Variants in SLC8B1 observed in about 807,000 individuals in gnomAD.
The protein encoded by SLC8B1 is mitochondrial sodium/calcium exchanger protein.
Under a neutral mutation model 63.4 loss-of-function variants are expected in SLC8B1, and 52 were observed. That is an observed-to-expected ratio of 0.82 (90% CI 0.66 to 1.03). The LOEUF (loss-of-function observed/expected upper bound fraction) is 1.03, where lower values mean the gene tolerates loss of function less well. SLC8B1 is among the 50% of genes least tolerant of loss of function. SLC8B1 has a pLI of 0.00. For missense variants in SLC8B1, 657 were observed against 741.7 expected (o/e 0.89, Z 1.33); for synonymous variants, 336 against 323.9 (o/e 1.04, Z -0.40).
chr12:113,321,331 G>T lies in SLC8B1; in HGVS notation c.174C>A (p.Gly58=), dbSNP rs1399832991. 1.2e-6 allele frequency: 2 copies of T among 1,614,112 alleles called. No homozygotes were observed. ...AGTCACAGCGGTCAGAGACATTCAG[G>T]CCACACACCTTGCGGCACTGCAGGA... is the stretch of plus-strand genomic sequence containing the variant. ...TPVVDCRKVC[G]LNVSDRCDFI... is the part of the protein sequence containing the mutation. Residue 58 remains glycine (G), a synonymous_variant, in exon 3 of 16, where the codon GGC becomes GGA. Transcript: ENST00000680972.
Position 113,307,798 on chromosome 12 carries a change from G to T in SLC8B1, c.1304C>A (p.Ala435Glu). 1.2e-6 allele frequency: 2 copies of T among 1,613,592 alleles called. No individual in the cohort carries two copies. Among genetic ancestry groups the T allele is most frequent in the Non-Finnish European group, 1.7e-6 (2 of 1,180,028 alleles). Residue 435 changes from alanine (A) to glutamate (E), a missense_variant, in exon 13 of 16, where the codon GCG (alanine) becomes GAG (glutamate). Ala to Glu is a moderately radical substitution (Grantham distance 107). Coordinates refer to ENST00000680972, the MANE Select transcript of SLC8B1 (RefSeq NM_001358345.2). ...GATGTTCACCACCTCTGTGGCGGCC[G>T]CGTTGATCCACAGGGCGCTGGTCAG... The part of the protein sequence containing the change: ...GFLTSALWIN[A>E]AATEVVNILR...
intron 15 of SLC8B1, among the ~76,000 whole-genome samples, chr12:113,303,715 C>T (rs770716133): frequency 2.0e-5 from 3 of 152,166 alleles, no homozygotes; most frequent in Non-Finnish European, 4.4e-5. Flanking sequence ...CCACATGCTA[C>T]CTACCCAAAT....
chr12:113,302,751 C>T, intron 15 of SLC8B1: 1 of 456,126 alleles, frequency 2.2e-6, no homozygotes, highest in South Asian at 1.5e-5. Context: ...GAGCCCAAAT[C>T]CAAGTGCAAG....
chr12:113,334,087 G>A (rs1336940513), intron 1 of SLC8B1, among the ~76,000 whole-genome samples: 1 of 152,148 alleles, frequency 6.6e-6, no homozygotes, highest in Admixed American at 6.6e-5. Flanking sequence ...GGAACTTAAG[G>A]GCAAGAAGGA....
At chr12:113,309,048 T>G (rs1956718816) in intron 12 of SLC8B1, among the ~76,000 whole-genome samples, 1 of 150,914 alleles carries the variant, frequency 6.6e-6, no homozygotes, top group South Asian at 2.1e-4. Flanking sequence ...AGAGACAGGG[T>G]TTCGACATGT....
rs1956655097 is a variant in SLC8B1, at chr12:113,305,224, G to A, written c.1493-839C>T. The stretch of plus-strand genomic sequence containing the variant: ...CCCTCCTTCCCAGCCAACCTGGGAG[G>A]TCAGGCGAGGCTGCAGCCCGAAAGC... On this transcript the variant is annotated intron_variant, in intron 14 of 15. Transcript: ENST00000680972. This position sits in a 1 kb window ranked among gnomAD's most constrained non-coding sequence, Gnocchi z 4.3. Among the ~76,000 whole-genome samples, 1 of 152,252 alleles carries A rather than the reference G, an allele frequency of 6.6e-6. No individual in the cohort carries two copies. Among genetic ancestry groups the A allele is most frequent in the South Asian group, 2.1e-4 (1 of 4,834 alleles).
At chr12:113,303,114 G>GACACACACACACACAC (rs57763094) in intron 15 of SLC8B1, among the ~76,000 whole-genome samples, 10 of 140,950 alleles carry the variant, frequency 7.1e-5, no homozygotes, top group South Asian at 4.6e-4. Flanking sequence ...AAAGGCGGTG[G>GACACACACACACACAC]ACACACACAC....
At chr12:113,302,454 T>C in intron 15 of SLC8B1, 1 of 290,912 alleles carries the variant, frequency 3.4e-6, no homozygotes, top group East Asian at 9.5e-5. Context: ...GTCAGCCCCC[T>C]GGTTTGTGGT....
intron 2 of SLC8B1, among the ~76,000 whole-genome samples, chr12:113,323,702 C>T (rs1173215259): frequency 1.3e-5 from 2 of 151,462 alleles, no homozygotes; most frequent in Non-Finnish European, 2.9e-5. Flanking sequence ...AAGTGAGACT[C>T]CATCTCAAAA....
Position 113,303,141 on chromosome 12 carries a change from A to ACACACACACACGCG in SLC8B1, c.1557+1179_1557+1180insCGCGTGTGTGTGTG, listed in dbSNP as rs773636454. ...CACACACACACACACACACACACAC[A>ACACACACACACGCG]CGCGCGCGCACAGGAGAAAAGAGGA... is the stretch of plus-strand genomic sequence containing the variant. On this transcript the variant is annotated intron_variant, in intron 15 of 15. Transcript: ENST00000680972. Among the ~76,000 whole-genome samples, 269 of 145,720 alleles carry ACACACACACACGCG rather than the reference A, an allele frequency of 1.8e-3. 1 individual carries two copies. The highest frequency in any genetic ancestry group is 4.9e-3 in the African/African-American group (185 of 38,130).
chr12:113,304,681 C>T (rs573588443), intron 14 of SLC8B1, among the ~76,000 whole-genome samples: 1 of 152,276 alleles, frequency 6.6e-6, no homozygotes, highest in Non-Finnish European at 1.5e-5. Flanking sequence ...CGGCTCACTG[C>T]AGCCTCGACC....
chr12:113,323,027 C>G (rs1956952645), intron 2 of SLC8B1, among the ~76,000 whole-genome samples: 1 of 152,112 alleles, frequency 6.6e-6, no homozygotes, highest in Admixed American at 6.6e-5. Context: ...CTGGGTTGAG[C>G]CAGTTACCAC....
In SLC8B1 at chr12:113,334,444, T is replaced by C. The variant is rs889782753; in HGVS notation, c.-84A>G. Reference sequence around the variant, plus strand: ...GCCTGTCCCAGCCAGGTTCCTTACCTGTCCACGGAAGACACGGCCCTTCCT... The same window carrying C: ...GCCTGTCCCAGCCAGGTTCCTTACCCGTCCACGGAAGACACGGCCCTTCCT... On this transcript the variant is annotated splice_region_variant and 5_prime_UTR_variant, in exon 1 of 16. Coordinates refer to ENST00000680972, the MANE Select transcript of SLC8B1 (RefSeq NM_001358345.2). The C allele has an allele frequency of 2.0e-5, 3 of 152,322 alleles. No homozygotes were observed. The highest frequency in any genetic ancestry group is 7.2e-5 in the African/African-American group (3 of 41,556). The allele number at this position is 152,322 out of a possible 1,614,324, so 9.4% of individuals were successfully genotyped here.
At chr12:113,326,266 T>C (rs1345053954) in intron 2 of SLC8B1, among the ~76,000 whole-genome samples, 1 of 152,262 alleles carries the variant, frequency 6.6e-6, no homozygotes. Flanking sequence ...TCAGGCACTG[T>C]GAGAGCAGTG....
At position 113,307,732 on chromosome 12, in the gene SLC8B1, A is replaced by G. The variant is rs1956695278; in HGVS notation, c.1370T>C (p.Val457Ala). The G allele has an allele frequency of 1.1e-5, 18 of 1,614,084 alleles. No individual in the cohort carries two copies. Among genetic ancestry groups the G allele is most frequent in the Non-Finnish European group, 1.5e-5 (18 of 1,180,040 alleles). ...CCAGGCCAGCAGCGTGAGCCCCAGCACAGTGTTGCTCAGCCGGAAGACCAC... is the reference window on the plus strand; with the variant it reads ...CCAGGCCAGCAGCGTGAGCCCCAGCGCAGTGTTGCTCAGCCGGAAGACCAC... ...LGVVFRLSNTVLGLTLLAWGN... is the reference protein window; with the variant it reads ...LGVVFRLSNTALGLTLLAWGN... The change falls in exon 13 of 16, where the codon GTG becomes GCG. Residue 457 changes from valine to alanine, a missense_variant. Coordinates refer to ENST00000680972, the MANE Select transcript of SLC8B1 (RefSeq NM_001358345.2).
At chr12:113,312,321 C>T (rs555928075) in intron 11 of SLC8B1, among the ~76,000 whole-genome samples, 33 of 152,234 alleles carry the variant, frequency 2.2e-4, no homozygotes, top group Non-Finnish European at 4.4e-4. Context: ...GTAATCCCAG[C>T]TACTTGGGAG....
chr12:113,322,484 A>T (rs1295361526), intron 2 of SLC8B1, among the ~76,000 whole-genome samples: 1 of 152,212 alleles, frequency 6.6e-6, no homozygotes, highest in East Asian at 1.9e-4. Flanking sequence ...GCTTCCTCAC[A>T]CATGACTCTC....
rs1234955604 is a variant in SLC8B1 at position 113,334,529 on chromosome 12, G to C, written c.-169C>G. ...TCCGAGTTACTCTATTTGGCACCAAGTTCAAACAGGACACCCCTGGTTTCA... is the reference window on the plus strand; with the variant it reads ...TCCGAGTTACTCTATTTGGCACCAACTTCAAACAGGACACCCCTGGTTTCA... On this transcript the variant is annotated 5_prime_UTR_variant, in exon 1 of 16. Coordinates refer to ENST00000680972, the MANE Select transcript of SLC8B1 (RefSeq NM_001358345.2). 1 of 152,164 alleles carries C rather than the reference G, an allele frequency of 6.6e-6. No homozygotes were observed. The highest frequency in any genetic ancestry group is 1.5e-5 in the Non-Finnish European group (1 of 68,036). 9.4% of individuals were successfully genotyped at this position (152,164 alleles called of 1,614,324 possible). A position where few individuals can be genotyped will look rare whatever the true frequency, so the allele number is the denominator to read the frequency against.
intron 1 of SLC8B1, among the ~76,000 whole-genome samples, chr12:113,334,165 C>T (rs1015578670): frequency 1.1e-3 from 169 of 152,298 alleles, no homozygotes; most frequent in African/African-American, 3.9e-3. Context: ...TGCCTCTTCC[C>T]TCAAGACCAG....
Sources: gnomAD v4.1 joint callset for allele counts (sites outside exome capture counted in the v4.1 genomes callset) on GRCh38, gnomAD v4.1.1 for gene constraint, Gnocchi (gnomAD v3.1) non-coding constraint, MANE v1.5 for transcripts, NCBI Gene and HGNC (gene_info 2026-07-23, HGNC 2026-07-21) for gene names.